PRKN: variants seen among roughly 807,000 people sequenced by gnomAD.
PRKN encodes E3 ubiquitin-protein ligase parkin.
PRKN carries 56 observed loss-of-function variants against 59.5 expected under a neutral mutation model. The ratio of observed to expected loss-of-function variants is 0.94; its 90% CI spans 0.76 to 1.18. The LOEUF (loss-of-function observed/expected upper bound fraction) is 1.18, where lower values mean the gene tolerates loss of function less well. Ranked by LOEUF, PRKN falls within the 50% of genes most tolerant of loss-of-function variation. The pLI is 0.00. For synonymous variants in PRKN, 250 were observed against 222.1 expected, an observed-to-expected ratio of 1.13 and a Z score of -1.12; for missense variants, 657 against 596.4, an observed-to-expected ratio of 1.10 and a Z score of -1.06.
intron 1 of PRKN, among the ~76,000 whole-genome samples, chr6:162,691,732 C>A (rs1777781738): frequency 6.6e-6 from 1 of 152,092 alleles, no homozygotes; most frequent in Non-Finnish European, 1.5e-5. Flanking sequence ...TAAACAAATA[C>A]TTAGAAAAAA....
intron 1 of PRKN, among the ~76,000 whole-genome samples, chr6:162,537,191 A>G (rs1778753077): frequency 6.6e-6 from 1 of 152,078 alleles, no homozygotes; most frequent in South Asian, 2.1e-4. Context: ...AAACTATTAA[A>G]CAGCAAAATA....
intron 1 of PRKN, among the ~76,000 whole-genome samples, chr6:162,665,019 G>C (rs935345640): frequency 6.6e-6 from 1 of 152,000 alleles, no homozygotes; most frequent in African/African-American, 2.4e-5. Context: ...ACTAGATATC[G>C]ATGGAACATA....
Position 161,582,971 on chromosome 6 carries a change from AACACACACACAC to A in PRKN, c.872-13567_872-13556del, listed in dbSNP as rs768568929. ...TCTTTCCAGTGAGATGGCCTATTCC[AACACACACACAC>A]ACACACACACACACACACACACACA... is the stretch of plus-strand genomic sequence containing the variant. On this transcript the variant is annotated intron_variant, in intron 7 of 11. Transcript: ENST00000366898. This position sits in a 1 kb window ranked among gnomAD's most constrained non-coding sequence, Gnocchi z 4.4. 7.8e-3 allele frequency among the ~76,000 whole-genome samples: 914 copies of A among 117,216 alleles called. 8 individuals are homozygous for A. Among genetic ancestry groups the A allele is most frequent in the African/African-American group, 0.016 (546 of 34,534 alleles). The allele number at this position is 117,216 out of a possible 152,430, so 76.9% of individuals were successfully genotyped here.
intron 4 of PRKN, among the ~76,000 whole-genome samples, chr6:162,147,344 G>GAAAAAAA (rs767653516): frequency 2.4e-4 from 10 of 42,036 alleles, no homozygotes; most frequent in East Asian, 1.6e-3. Context: ...CTCTGTCTCA[G>GAAAAAAA]AAAAAAAAAA....
chr6:162,501,022 C>T (rs1337252628), intron 1 of PRKN, among the ~76,000 whole-genome samples: 1 of 151,984 alleles, frequency 6.6e-6, no homozygotes, highest in South Asian at 2.1e-4. Flanking sequence ...GAAAAACTAG[C>T]CAGGCATGGT....
intron 1 of PRKN, 66 bp downstream of exon 1, chr6:162,727,596 G>C (rs1779340724): frequency 6.6e-7 from 1 of 1,512,438 alleles, no homozygotes; most frequent in Non-Finnish European, 9.0e-7. Flanking sequence ...GGCCGAGGCG[G>C]GGCGTGGCGC....
intron 1 of PRKN, among the ~76,000 whole-genome samples, chr6:162,725,714 G>A (rs1217494841): frequency 6.6e-6 from 1 of 151,140 alleles, no homozygotes; most frequent in Admixed American, 6.6e-5. Flanking sequence ...AGTGAGCTGT[G>A]ATGGTGCCAC....
intron 2 of PRKN, among the ~76,000 whole-genome samples, chr6:162,373,805 G>A (rs537501929): frequency 1.3e-5 from 2 of 152,178 alleles, no homozygotes; most frequent in South Asian, 2.1e-4. Flanking sequence ...ATTTAATAGA[G>A]TTTAATTGAG....
At chr6:162,618,290 A>G (rs1195860550) in intron 1 of PRKN, among the ~76,000 whole-genome samples, 1 of 152,148 alleles carries the variant, frequency 6.6e-6, no homozygotes, top group African/African-American at 2.4e-5. Flanking sequence ...ATGGTGAGCT[A>G]TCTGGCAACT....
At chr6:162,079,567 C>G (rs1231611103) in intron 4 of PRKN, among the ~76,000 whole-genome samples, 1 of 152,056 alleles carries the variant, frequency 6.6e-6, no homozygotes, top group Admixed American at 6.6e-5. Context: ...CTGCCCATCC[C>G]CTGTTTAAAC....
intron 7 of PRKN, among the ~76,000 whole-genome samples, chr6:161,780,785 T>A (rs1405659556): frequency 6.6e-6 from 1 of 152,108 alleles, no homozygotes; most frequent in East Asian, 1.9e-4. Flanking sequence ...AGCAAGACAT[T>A]TAAAAACTAA....
chr6:161,652,756 T>C (rs1468142857), intron 7 of PRKN, among the ~76,000 whole-genome samples: 1 of 152,214 alleles, frequency 6.6e-6, no homozygotes, highest in South Asian at 2.1e-4. Context: ...GGAAATTACT[T>C]ATTGCATGCT....
intron 1 of PRKN, among the ~76,000 whole-genome samples, chr6:162,542,873 C>A (rs573119279): frequency 6.6e-6 from 1 of 152,216 alleles, no homozygotes; most frequent in East Asian, 1.9e-4. Flanking sequence ...TGGGCTTGGG[C>A]TTCTGTAGCG....
At position 161,552,975 on chromosome 6, in the gene PRKN, G is replaced by C. The variant is rs1780097333; in HGVS notation, c.934-3972C>G. On this transcript the variant is annotated intron_variant, in intron 8 of 11. Coordinates refer to ENST00000366898, the MANE Select transcript of PRKN (RefSeq NM_004562.3). This position sits in a 1 kb window ranked among gnomAD's most constrained non-coding sequence, Gnocchi z 4.9. ...CCAGCTAGCTTTTGTATTTTTAGTA[G>C]AGACGGGGTTTCACCATGTTGGCCA... 6.6e-6 allele frequency among the ~76,000 whole-genome samples: 1 copy of C among 151,924 alleles called. No homozygotes were observed. The highest frequency in any genetic ancestry group is 2.4e-5 in the African/African-American group (1 of 41,364).
intron 5 of PRKN, among the ~76,000 whole-genome samples, chr6:161,995,875 C>G (rs139103004): frequency 2.0e-5 from 3 of 152,132 alleles, no homozygotes; most frequent in Non-Finnish European, 4.4e-5. Flanking sequence ...CACAAGGTGG[C>G]TTACGCCTGT....
intron 4 of PRKN, among the ~76,000 whole-genome samples, chr6:162,058,778 C>A (rs753682715): frequency 1.3e-4 from 20 of 151,758 alleles, no homozygotes; most frequent in East Asian, 3.9e-4. Context: ...CATGGTGAAA[C>A]CTTGTCTTTA....
At chr6:161,619,899 A>G (rs1351996169) in intron 7 of PRKN, among the ~76,000 whole-genome samples, 3 of 151,872 alleles carry the variant, frequency 2.0e-5, no homozygotes, top group Non-Finnish European at 4.4e-5. Flanking sequence ...TATATAAAAT[A>G]TATTATTAAA....
At chr6:161,517,986 A>C (rs1778677808) in intron 9 of PRKN, among the ~76,000 whole-genome samples, 1 of 152,166 alleles carries the variant, frequency 6.6e-6, no homozygotes, top group Non-Finnish European at 1.5e-5. Flanking sequence ...GCACACATGA[A>C]ATCAAGAGGA....
chr6:162,226,778 C>T (rs74538498), intron 3 of PRKN, among the ~76,000 whole-genome samples: 2,947 of 152,182 alleles, frequency 0.019, 47 homozygotes, highest in Non-Finnish European at 0.028. Flanking sequence ...GTGAACTGCC[C>T]GAAGACTCCA....
Sources: gnomAD v4.1 joint callset for allele counts (sites outside exome capture counted in the v4.1 genomes callset) on GRCh38, gnomAD v4.1.1 for gene constraint, Gnocchi (gnomAD v3.1) non-coding constraint, MANE v1.5 for transcripts, NCBI Gene and HGNC (gene_info 2026-07-23, HGNC 2026-07-21) for gene names.